AKAP8L: variants seen among roughly 807,000 people sequenced by gnomAD.
The protein encoded by AKAP8L is A-kinase anchoring protein 8 like.
AKAP8L carries 34 observed loss-of-function variants against 77.5 expected under a neutral mutation model. The ratio of observed to expected loss-of-function variants is 0.44; its 90% CI spans 0.33 to 0.58. The LOEUF is 0.58. Ranked by LOEUF, AKAP8L falls within the 20% of genes least tolerant of loss-of-function variation. AKAP8L has a pLI of 0.02. For synonymous variants in AKAP8L, 342 were observed against 340.7 expected (o/e 1.00, Z -0.04); for missense variants, 806 against 887.6 (o/e 0.91, Z 1.17).
At chr19:15,417,360 A>G (rs991238133) in intron 1 of AKAP8L, among the ~76,000 whole-genome samples, 1 of 152,240 alleles carries the variant, frequency 6.6e-6, no homozygotes, top group African/African-American at 2.4e-5. Context: ...GGAAAGCTAC[A>G]GAAAGGCTCT....
At chr19:15,380,495 C>T in intron 13 of AKAP8L, 22 bp downstream of exon 13, 1 of 1,613,582 alleles carries the variant, frequency 6.2e-7, no homozygotes, top group Non-Finnish European at 8.5e-7. Context: ...GGGGACAGGG[C>T]AGGCCCGGAC....
intron 12 of AKAP8L, chr19:15,383,815 C>T (rs1967467859): frequency 6.6e-6 from 1 of 151,884 alleles, no homozygotes. Flanking sequence ...ATATTTTTGA[C>T]TAGAAATGTG....
intron 2 of AKAP8L, among the ~76,000 whole-genome samples, chr19:15,405,721 A>G (rs963411034): frequency 1.3e-5 from 2 of 151,934 alleles, no homozygotes; most frequent in Middle Eastern, 3.4e-3. Flanking sequence ...CAGGAGTTCG[A>G]GACCAGCCTG....
chr19:15,411,023 T>C (rs4809189), intron 1 of AKAP8L, among the ~76,000 whole-genome samples: 123,859 of 152,054 alleles, frequency 0.81, 50,875 homozygotes, highest in East Asian at 0.99. Flanking sequence ...CATGTTGCCC[T>C]GGCTGGTCTT....
Position 15,399,138 on chromosome 19 carries a change from C to A in AKAP8L, c.1157+164G>T. On this transcript the variant is annotated intron_variant, in intron 9 of 13. Transcript: ENST00000397410. This position sits in a 1 kb window ranked among gnomAD's most constrained non-coding sequence, Gnocchi z 6.1. Reference sequence around the variant, plus strand: ...CAGAGGGGCAGGGGATGAGTCAGGCCTTGGGAGCTGGGCCTGGCGGGAAGC... The same window carrying A: ...CAGAGGGGCAGGGGATGAGTCAGGCATTGGGAGCTGGGCCTGGCGGGAAGC... 7 of 668,342 alleles carry A rather than the reference C, an allele frequency of 1.0e-5. 1 individual carries two copies. The South Asian group carries it at 1.3e-4, about 12-fold the overall frequency. 41.4% of individuals were successfully genotyped at this position (668,342 alleles called of 1,614,324 possible).
intron 12 of AKAP8L, among the ~76,000 whole-genome samples, chr19:15,395,419 G>A (rs1360455069): frequency 6.6e-6 from 1 of 151,706 alleles, no homozygotes; most frequent in African/African-American, 2.4e-5. Context: ...GGGTTCAAGC[G>A]ATTCTTCTGC....
chr19:15,399,126 G>C lies in AKAP8L; in HGVS notation c.1157+176C>G, dbSNP rs1206152273. On this transcript the variant is annotated intron_variant, in intron 9 of 13. Transcript: ENST00000397410. This position sits in a 1 kb window ranked among gnomAD's most constrained non-coding sequence, Gnocchi z 6.1. ...GCCAGGCGGCCGCAGAGGGGCAGGG[G>C]ATGAGTCAGGCCTTGGGAGCTGGGC... The C allele has an allele frequency of 1.6e-6, 1 of 628,842 alleles. No individual in the cohort carries two copies. The highest frequency in any genetic ancestry group is 1.8e-5 in the African/African-American group (1 of 54,364). The allele number at this position is 628,842 out of a possible 1,614,324, so 39.0% of individuals were successfully genotyped here.
At chr19:15,388,805 A>G (rs1967595177) in intron 12 of AKAP8L, among the ~76,000 whole-genome samples, 1 of 151,314 alleles carries the variant, frequency 6.6e-6, no homozygotes, top group Middle Eastern at 3.5e-3. Flanking sequence ...AGTCCCAGCT[A>G]CTCCGGAGGC....
At chr19:15,383,557 T>A (rs999337820) in intron 12 of AKAP8L, 1 of 152,244 alleles carries the variant, frequency 6.6e-6, no homozygotes, top group African/African-American at 2.4e-5. Context: ...AGGTTTCAGA[T>A]AAAATATCTG....
At chr19:15,418,801 G>C in intron 1 of AKAP8L, 110 bp downstream of exon 1, 3 of 1,104,718 alleles carry the variant, frequency 2.7e-6, no homozygotes, top group Non-Finnish European at 3.9e-6. Context: ...TGTGACCGCA[G>C]GGAAGGCAGT....
At chr19:15,406,982 C>T (rs1349037022) in intron 2 of AKAP8L, among the ~76,000 whole-genome samples, 1 of 152,164 alleles carries the variant, frequency 6.6e-6, no homozygotes, top group Non-Finnish European at 1.5e-5. Flanking sequence ...GCAGGACCAG[C>T]CAGGCGCAGT....
At chr19:15,402,314 C>A (rs144961643) in intron 4 of AKAP8L, among the ~76,000 whole-genome samples, 2 of 152,268 alleles carry the variant, frequency 1.3e-5, no homozygotes, top group Non-Finnish European at 2.9e-5. Flanking sequence ...CTCTTTTAAC[C>A]GTGACTGCAG....
At position 15,380,346 on chromosome 19, in the gene AKAP8L, C is replaced by T. The variant is rs1047694815; in HGVS notation, c.1717G>A (p.Gly573Ser). ...CCCTCCGAGATCCCTGCCGCTTCGC[C>T]CTGCGCCCCCTCGTCCAGGGCACCG... ...EGGALDEGAQ[G>S]EAAGISEGAE... Residue 573 changes from glycine (G) to serine (S), a missense_variant, in exon 14 of 14, where the codon GGC (glycine) becomes AGC (serine). By Grantham distance (56) the Gly-to-Ser change is moderately conservative (BLOSUM62 0). Around this residue, in one of 2 missense-constraint regions of AKAP8L, gnomAD observed 226 missense variants for 193.5 expected, o/e 1.17. Transcript: ENST00000397410. 18 of 1,548,300 alleles carry T rather than the reference C, an allele frequency of 1.2e-5. No homozygotes were observed. Among genetic ancestry groups the T allele is most frequent in the Non-Finnish European group, 1.6e-5 (18 of 1,151,022 alleles).
Position 15,398,151 on chromosome 19 carries a change from T to G in AKAP8L, c.1158-296A>C. The G allele has an allele frequency of 2.3e-6, 1 of 434,426 alleles. No homozygotes were observed. Among genetic ancestry groups the G allele is most frequent in the African/African-American group, 2.0e-5 (1 of 50,322 alleles). 26.9% of individuals were successfully genotyped at this position (434,426 alleles called of 1,614,324 possible). A position where few individuals can be genotyped will look rare whatever the true frequency, so the allele number is the denominator to read the frequency against. ...CAACAGGCAACGAGTCGCTGGAAAG[T>G]TGCTGGAGGGCCTCGCTACCAAGGC... On this transcript the variant is annotated intron_variant, in intron 9 of 13. Transcript: ENST00000397410. This position sits in a 1 kb window ranked among gnomAD's most constrained non-coding sequence, Gnocchi z 9.2.
chr19:15,394,450 T>A (rs1311152452), intron 12 of AKAP8L, among the ~76,000 whole-genome samples: 1 of 152,212 alleles, frequency 6.6e-6, no homozygotes, highest in Non-Finnish European at 1.5e-5. Context: ...AAAGGGTTTC[T>A]TTTTAAGGTG....
chr19:15,399,999 G>A lies in AKAP8L; in HGVS notation c.1048+296C>T. 1 of 520,218 alleles carries A rather than the reference G, an allele frequency of 1.9e-6. No individual in the cohort carries two copies. The highest frequency in any genetic ancestry group is 3.4e-6 in the Non-Finnish European group (1 of 290,598). 32.2% of individuals were successfully genotyped at this position (520,218 alleles called of 1,614,324 possible). On this transcript the variant is annotated intron_variant, in intron 8 of 13. Transcript: ENST00000397410. The surrounding 1 kb of genome is among the most constrained non-coding windows in gnomAD (Gnocchi z 6.1). ...ACTGCGCGTTACTGAGGGACCGAGG[G>A]CAGGGGGCGTGCCTGGGGTTCCCCA...
chr19:15,388,792 T>C (rs1039965417), intron 12 of AKAP8L, among the ~76,000 whole-genome samples: 1 of 151,690 alleles, frequency 6.6e-6, no homozygotes, highest in African/African-American at 2.4e-5. Flanking sequence ...GGCGGGCGCC[T>C]GTAGTCCCAG....
At chr19:15,418,482 G>A in intron 1 of AKAP8L, among the ~76,000 whole-genome samples, 1 of 151,228 alleles carries the variant, frequency 6.6e-6, no homozygotes, top group South Asian at 2.1e-4. Context: ...TAGAGCTGCG[G>A]CGTTTTTGCA....
At chr19:15,417,447 C>G (rs934635613) in intron 1 of AKAP8L, among the ~76,000 whole-genome samples, 1 of 152,082 alleles carries the variant, frequency 6.6e-6, no homozygotes, top group African/African-American at 2.4e-5. Context: ...TTGTGTATAC[C>G]GTAGCAGGGC....
Sources: allele counts gnomAD v4.1 joint callset (sites outside exome capture counted in the v4.1 genomes callset), GRCh38; gene constraint gnomAD v4.1.1; regional missense constraint gnomAD v4.1.1; non-coding constraint Gnocchi (gnomAD v3.1); transcripts MANE v1.5; gene names NCBI Gene and HGNC (gene_info 2026-07-23, HGNC 2026-07-21).